Variants in CTNNA3 observed in about 807,000 individuals in gnomAD.
CTNNA3 encodes the protein catenin alpha-3.
Under a neutral mutation model 95.7 loss-of-function variants are expected in CTNNA3, and 76 were observed. That is an observed-to-expected ratio of 0.79 (90% CI 0.66 to 0.96). The LOEUF (loss-of-function observed/expected upper bound fraction) is 0.96. Among genes scored for constraint, CTNNA3 ranks in the 40% least tolerant of loss-of-function variants. The probability of loss-of-function intolerance (pLI) is 0.00; values close to 1 mark genes in which losing one functional copy is unlikely to be tolerated. For synonymous variants in CTNNA3, 431 were observed against 374.4 expected, an observed-to-expected ratio of 1.15 and a Z score of -1.74; for missense variants, 1,191 against 1,089.8, an observed-to-expected ratio of 1.09 and a Z score of -1.31.
chr10:66,382,556 C>A (rs747351594), intron 11 of CTNNA3, among the ~76,000 whole-genome samples: 6 of 152,162 alleles, frequency 3.9e-5, no homozygotes, highest in Non-Finnish European at 7.3e-5. Context: ...CTCTGTCAGA[C>A]AGCTATGAAG....
chr10:66,335,913 T>C (rs1207091233), intron 12 of CTNNA3, among the ~76,000 whole-genome samples: 1 of 152,128 alleles, frequency 6.6e-6, no homozygotes, highest in Non-Finnish European at 1.5e-5. Flanking sequence ...GTTTACCTAC[T>C]CAAGCCTGGG....
chr10:67,316,415 T>C (rs2132539316), intron 5 of CTNNA3, among the ~76,000 whole-genome samples: 1 of 152,280 alleles, frequency 6.6e-6, no homozygotes, highest in South Asian at 2.1e-4. Context: ...TCAAGGGCCT[T>C]AGTACAAACA....
intron 1 of CTNNA3, among the ~76,000 whole-genome samples, chr10:67,660,908 G>A (rs1187559231): frequency 6.7e-6 from 1 of 148,564 alleles, no homozygotes; most frequent in African/African-American, 2.6e-5. Context: ...TCCAGCCTGG[G>A]CGACAGAGCA....
intron 11 of CTNNA3, among the ~76,000 whole-genome samples, chr10:66,451,964 C>G (rs183077328): frequency 2.0e-5 from 3 of 152,096 alleles, no homozygotes; most frequent in African/African-American, 7.2e-5. Flanking sequence ...TCACATCTCA[C>G]TCACTCTCAT....
chr10:66,693,264 AG>A (rs1847626800), intron 9 of CTNNA3, among the ~76,000 whole-genome samples: 1 of 151,730 alleles, frequency 6.6e-6, no homozygotes, highest in Non-Finnish European at 1.5e-5. Flanking sequence ...GGATGGAGGA[AG>A]ATCTATCAAG....
chr10:67,312,364 C>T (rs776375874), intron 5 of CTNNA3, among the ~76,000 whole-genome samples: 37 of 152,134 alleles, frequency 2.4e-4, no homozygotes, highest in Admixed American at 6.5e-5. Context: ...AGCCACTGCA[C>T]CTGGCCTTAA....
At chr10:66,277,905 T>C (rs2091427352) in intron 13 of CTNNA3, among the ~76,000 whole-genome samples, 1 of 151,938 alleles carries the variant, frequency 6.6e-6, no homozygotes, top group Non-Finnish European at 1.5e-5. Flanking sequence ...GAACATCAGA[T>C]ACTAAAGGTT....
intron 5 of CTNNA3, among the ~76,000 whole-genome samples, chr10:67,482,122 A>G (rs1223329807): frequency 1.3e-5 from 2 of 151,646 alleles, no homozygotes; most frequent in East Asian, 1.9e-4. Context: ...CTGTTTTGGT[A>G]CCAGTACCAT....
intron 9 of CTNNA3, among the ~76,000 whole-genome samples, chr10:66,642,279 AACACAC>A (rs377158480): frequency 3.3e-5 from 2 of 61,338 alleles, no homozygotes; most frequent in Non-Finnish European, 7.2e-5. Context: ...CACACACACA[AACACAC>A]ACACACACAC....
At chr10:67,658,590 A>C (rs1840092277) in intron 1 of CTNNA3, among the ~76,000 whole-genome samples, 1 of 152,212 alleles carries the variant, frequency 6.6e-6, no homozygotes, top group Non-Finnish European at 1.5e-5. Flanking sequence ...TTAGAAATGC[A>C]ACATGCCTAA....
upstream of CTNNA3, among the ~76,000 whole-genome samples, chr10:67,697,281 G>C (rs1840984405): frequency 6.6e-6 from 1 of 152,140 alleles, no homozygotes; most frequent in Non-Finnish European, 1.5e-5. Context: ...TCCCCCTGGA[G>C]AATCTAGGAA....
intron 13 of CTNNA3, among the ~76,000 whole-genome samples, chr10:66,221,595 C>T (rs903365316): frequency 2.0e-5 from 3 of 152,312 alleles, no homozygotes; most frequent in South Asian, 2.1e-4. Flanking sequence ...ACTACTATTA[C>T]TAAATCTCAC....
intron 11 of CTNNA3, among the ~76,000 whole-genome samples, chr10:66,463,167 C>G: frequency 6.6e-6 from 1 of 152,084 alleles, no homozygotes; most frequent in Non-Finnish European, 1.5e-5. Context: ...ATTTGATGTC[C>G]AATGTTGGAG....
chr10:66,453,472 G>A (rs548233012), intron 11 of CTNNA3, among the ~76,000 whole-genome samples: 42 of 152,294 alleles, frequency 2.8e-4, no homozygotes, highest in Non-Finnish European at 5.6e-4. Flanking sequence ...CTGGAGATCC[G>A]GCCAGGGCCA....
intron 3 of CTNNA3, among the ~76,000 whole-genome samples, chr10:67,604,512 T>C (rs55955230): frequency 1.1e-3 from 168 of 152,296 alleles, no homozygotes; most frequent in African/African-American, 3.8e-3. Context: ...GATTTTACTA[T>C]GGAGGAAGGC....
chr10:67,138,611 G>A (rs924805418), intron 7 of CTNNA3, among the ~76,000 whole-genome samples: 2 of 152,152 alleles, frequency 1.3e-5, no homozygotes, highest in Non-Finnish European at 2.9e-5. Flanking sequence ...GCTATTTAAA[G>A]TAGACATTGT....
At chr10:66,470,762 G>A (rs888776520) in intron 11 of CTNNA3, among the ~76,000 whole-genome samples, 1 of 151,866 alleles carries the variant, frequency 6.6e-6, no homozygotes, top group Non-Finnish European at 1.5e-5. Flanking sequence ...CTAGTCAGCC[G>A]TGTCGATGTG....
chr10:67,204,341 A>G (rs1863789724), intron 6 of CTNNA3, among the ~76,000 whole-genome samples: 1 of 151,460 alleles, frequency 6.6e-6, no homozygotes, highest in Non-Finnish European at 1.5e-5. Context: ...AGTTTTCATG[A>G]GATCTGCTTG....
Position 66,892,810 on chromosome 10 carries a change from T to C in CTNNA3, c.1048-117286A>G, listed in dbSNP as rs180793983. On this transcript the variant is annotated intron_variant, in intron 7 of 17. Coordinates refer to ENST00000433211, the MANE Select transcript of CTNNA3 (RefSeq NM_013266.4). ...AAACACTACGAAAATGTAGCACAAT[T>C]CCCTTTCAAGAGGAAGAACAAGTAT... Among the ~76,000 whole-genome samples, 6 of 152,198 alleles carry C rather than the reference T, an allele frequency of 3.9e-5. No individual in the cohort carries two copies. The East Asian group carries it at 1.2e-3, about 29-fold the overall frequency.
Sources: allele counts gnomAD v4.1 joint callset (sites outside exome capture counted in the v4.1 genomes callset), GRCh38; gene constraint gnomAD v4.1.1; transcripts MANE v1.5; gene names NCBI Gene and HGNC (gene_info 2026-07-23, HGNC 2026-07-21).